The following GRAMD2B variants were observed in gnomAD, a reference collection of about 807,000 sequenced individuals.
GRAMD2B encodes the protein GRAM domain containing 2B.
A neutral mutation model predicts 59.2 loss-of-function variants in GRAMD2B; 41 were observed. The ratio of observed to expected loss-of-function variants is 0.69; its 90% CI spans 0.54 to 0.90. GRAMD2B has a LOEUF of 0.90. Among genes scored for constraint, GRAMD2B ranks in the 40% least tolerant of loss-of-function variants. GRAMD2B has a pLI of 0.00. For synonymous variants in GRAMD2B, 161 were observed against 182.7 expected (o/e 0.88, Z 0.96); for missense variants, 424 against 500.5 (o/e 0.85, Z 1.46).
At chr5:126,421,623 T>C (rs1446562210), upstream of GRAMD2B, among the ~76,000 whole-genome samples, 1 of 152,260 alleles carries the variant, frequency 6.6e-6, no homozygotes, top group Non-Finnish European at 1.5e-5. Flanking sequence ...GTAAGCTTTT[T>C]CTTTTACTTA....
chr5:126,475,503 C>G (rs1192163844), intron 5 of GRAMD2B, among the ~76,000 whole-genome samples: 3 of 152,180 alleles, frequency 2.0e-5, no homozygotes, highest in African/African-American at 7.2e-5. Flanking sequence ...GAATTGCCTC[C>G]TCCCTTTGAA....
At chr5:126,468,335 T>C (rs1322209093) in intron 2 of GRAMD2B, among the ~76,000 whole-genome samples, 1 of 152,010 alleles carries the variant, frequency 6.6e-6, no homozygotes, top group African/African-American at 2.4e-5. Flanking sequence ...TGTGGTTTCA[T>C]TTTTTTTATT....
chr5:126,416,184 G>A (rs936857494), intron 1 of GRAMD2B, among the ~76,000 whole-genome samples: 1 of 152,156 alleles, frequency 6.6e-6, no homozygotes, highest in Non-Finnish European at 1.5e-5. Flanking sequence ...CTTGCTCCGG[G>A]TCTAAACCAT....
intron 1 of GRAMD2B, among the ~76,000 whole-genome samples, chr5:126,381,468 T>C (rs963525979): frequency 1.3e-5 from 2 of 152,140 alleles, no homozygotes; most frequent in African/African-American, 2.4e-5. Context: ...TTAACTGTTG[T>C]TGCTTTAAAG....
chr5:126,394,540 T>C (rs1485532697), intron 1 of GRAMD2B, among the ~76,000 whole-genome samples: 1 of 152,224 alleles, frequency 6.6e-6, no homozygotes, highest in Non-Finnish European at 1.5e-5. Context: ...TTAAAGTCTT[T>C]GATTGATTCA....
At chr5:126,402,353 C>T (rs1757913057) in intron 1 of GRAMD2B, among the ~76,000 whole-genome samples, 2 of 152,070 alleles carry the variant, frequency 1.3e-5, no homozygotes, top group African/African-American at 2.4e-5. Context: ...CTAATAATAA[C>T]ACTTAAGGCT....
At chr5:126,442,644 AT>A (rs1408590669) in intron 1 of GRAMD2B, among the ~76,000 whole-genome samples, 2 of 151,956 alleles carry the variant, frequency 1.3e-5, no homozygotes, top group Admixed American at 1.3e-4. Context: ...AAACTTCTAG[AT>A]TTTTCTGTGA....
intron 1 of GRAMD2B, among the ~76,000 whole-genome samples, chr5:126,431,211 G>A (rs1382168733): frequency 6.6e-6 from 1 of 151,884 alleles, no homozygotes; most frequent in Non-Finnish European, 1.5e-5. Context: ...AACTTTAGCC[G>A]ACTATAAATG....
intron 1 of GRAMD2B, among the ~76,000 whole-genome samples, chr5:126,459,851 A>G (rs1767018684): frequency 6.6e-6 from 1 of 152,242 alleles, no homozygotes; most frequent in Non-Finnish European, 1.5e-5. Context: ...ATGCATCACA[A>G]AATGTCTACC....
At chr5:126,410,598 A>G (rs1018788040) in intron 1 of GRAMD2B, among the ~76,000 whole-genome samples, 1 of 152,246 alleles carries the variant, frequency 6.6e-6, no homozygotes, top group South Asian at 2.1e-4. Context: ...GGCTGAAACA[A>G]TGGGGTTTTC....
At chr5:126,440,976 C>T (rs984132380) in intron 1 of GRAMD2B, among the ~76,000 whole-genome samples, 1 of 151,858 alleles carries the variant, frequency 6.6e-6, no homozygotes, top group Non-Finnish European at 1.5e-5. Context: ...ATTGACATGT[C>T]TATTTATTGA....
At chr5:126,399,957 C>A (rs1225540684) in intron 1 of GRAMD2B, among the ~76,000 whole-genome samples, 1 of 151,948 alleles carries the variant, frequency 6.6e-6, no homozygotes, top group African/African-American at 2.4e-5. Flanking sequence ...TGAGTTTAAT[C>A]CATTTACATT....
chr5:126,366,846 C>CTTTTTTTTTTTTTT (rs59718576), upstream of GRAMD2B, among the ~76,000 whole-genome samples: 1 of 107,682 alleles, frequency 9.3e-6, no homozygotes, highest in Non-Finnish European at 1.8e-5. Context: ...CAGACCAAGG[C>CTTTTTTTTTTTTTT]TTTTTTTTTT....
rs1175703167 is a variant in GRAMD2B at position 126,469,742 on chromosome 5, A to G, written c.269A>G (p.Lys90Arg). 1 of 1,613,924 alleles carries G rather than the reference A, an allele frequency of 6.2e-7. No individual in the cohort carries two copies. Among genetic ancestry groups the G allele is most frequent in the Admixed American group, 1.7e-5 (1 of 59,982 alleles). Residue 90 changes from lysine to arginine, a missense_variant, in exon 3 of 14, where the codon AAA becomes AGA. Coordinates refer to ENST00000285689, the MANE Select transcript of GRAMD2B (RefSeq NM_023927.4). Reference protein sequence around the residue: ...SDKNDCKTESKNDPKTERKKS... With the variant: ...SDKNDCKTESRNDPKTERKKS... ...AAGAACGACTGTAAAACAGAAAGCA[A>G]AAATGACCCTAAGACTGAAAGAAAA...
intron 1 of GRAMD2B, among the ~76,000 whole-genome samples, chr5:126,457,363 G>A (rs1186300477): frequency 1.3e-5 from 2 of 152,082 alleles, no homozygotes; most frequent in Middle Eastern, 3.2e-3. Context: ...GCCAGGCACT[G>A]TGGCTCACAC....
intron 1 of GRAMD2B, chr5:126,465,152 A>G: frequency 7.7e-7 from 1 of 1,305,828 alleles, no homozygotes; most frequent in Non-Finnish European, 9.8e-7. Context: ...GCCCATGCAG[A>G]GCAGAGCTGG....
At chr5:126,418,577 C>T (rs955825751), upstream of GRAMD2B, among the ~76,000 whole-genome samples, 10 of 152,148 alleles carry the variant, frequency 6.6e-5, no homozygotes, top group Admixed American at 1.3e-4. Context: ...GAAATATTGG[C>T]TTAAAACTAC....
chr5:126,409,482 T>A (rs984863189), intron 1 of GRAMD2B, among the ~76,000 whole-genome samples: 5 of 152,248 alleles, frequency 3.3e-5, no homozygotes, highest in Non-Finnish European at 7.3e-5. Context: ...TGCATAAACG[T>A]CTTCTTTTGA....
intron 1 of GRAMD2B, among the ~76,000 whole-genome samples, chr5:126,417,693 A>G (rs1759376246): frequency 6.6e-6 from 1 of 152,252 alleles, no homozygotes; most frequent in Non-Finnish European, 1.5e-5. Flanking sequence ...AAATGCAGCC[A>G]CCAAAGATAA....
Sources: allele counts gnomAD v4.1 joint callset (sites outside exome capture counted in the v4.1 genomes callset), GRCh38; gene constraint gnomAD v4.1.1; transcripts MANE v1.5; gene names NCBI Gene and HGNC (gene_info 2026-07-23, HGNC 2026-07-21).